The following PUM2 variants were observed in gnomAD, a reference collection of about 807,000 sequenced individuals.
The protein encoded by PUM2 is pumilio homolog 2.
Under a neutral mutation model 124.5 loss-of-function variants are expected in PUM2, and 57 were observed. The observed-to-expected ratio is 0.46, with a 90% CI of 0.37 to 0.57. The LOEUF is 0.57. PUM2 is among the 20% of genes least tolerant of loss of function. The pLI, the probability that PUM2 is intolerant of heterozygous loss-of-function variation, is 0.00. For missense variants in PUM2, 1,065 were observed against 1,290.6 expected (o/e 0.83, Z 2.68); for synonymous variants, 460 against 446.1 (o/e 1.03, Z -0.39).
intron 14 of PUM2, 66 bp downstream of exon 14, chr2:20,263,127 T>C: frequency 6.9e-7 from 1 of 1,457,652 alleles, no homozygotes; most frequent in Non-Finnish European, 9.4e-7. Flanking sequence ...TCCAGAAAAA[T>C]TTAAGCTTTT....
At chr2:20,276,059 ATT>A (rs1204004670) in intron 13 of PUM2, among the ~76,000 whole-genome samples, 1 of 151,976 alleles carries the variant, frequency 6.6e-6, no homozygotes, top group Non-Finnish European at 1.5e-5. Flanking sequence ...GAAGAATAAA[ATT>A]TTTTCATGCA....
At chr2:20,254,290 A>T (rs951020580) in intron 19 of PUM2, among the ~76,000 whole-genome samples, 3 of 151,902 alleles carry the variant, frequency 2.0e-5, no homozygotes, top group African/African-American at 7.3e-5. Context: ...CCTCCCCCAT[A>T]GCTGAGACTA....
chr2:20,311,755 G>T, intron 4 of PUM2, 92 bp from the exon 5 acceptor site: 1 of 1,236,138 alleles, frequency 8.1e-7, no homozygotes, highest in Non-Finnish European at 1.1e-6. Context: ...TACAGTGCAT[G>T]TAAACAATAA....
At chr2:20,320,760 C>T (rs1682128415) in intron 2 of PUM2, among the ~76,000 whole-genome samples, 3 of 152,004 alleles carry the variant, frequency 2.0e-5, no homozygotes, top group East Asian at 3.9e-4. Context: ...AAAAGATTCA[C>T]GTAAATATTC....
chr2:20,300,904 C>T (rs775602371), intron 7 of PUM2, among the ~76,000 whole-genome samples: 9 of 152,088 alleles, frequency 5.9e-5, no homozygotes, highest in Non-Finnish European at 1.2e-4. Context: ...GAGAAAAAAG[C>T]GTATCTGATT....
chr2:20,318,474 T>A, intron 3 of PUM2, 63 bp downstream of exon 3: 11 of 1,385,006 alleles, frequency 7.9e-6, no homozygotes, highest in South Asian at 1.3e-5. Flanking sequence ...AAAAAAAAGG[T>A]GCATTATGAC....
rs1023351799 is a variant in PUM2, at chr2:20,275,595, A to G, written c.1957+2988T>C. On this transcript the variant is annotated intron_variant, in intron 13 of 20. Coordinates refer to ENST00000361078, the MANE Select transcript of PUM2 (RefSeq NM_015317.5). ...GGTGGATCAGGCTGGTCATCTCACA[A>G]TGGAGACAACCAAACACGTGTCTCC... 2.6e-5 allele frequency among the ~76,000 whole-genome samples: 4 copies of G among 152,144 alleles called. 1 individual carries two copies. The highest frequency in any genetic ancestry group is 1.9e-4 in the East Asian group (1 of 5,202).
chr2:20,333,298 G>T (rs1477906913), intron 1 of PUM2, among the ~76,000 whole-genome samples: 1 of 152,034 alleles, frequency 6.6e-6, no homozygotes, highest in Non-Finnish European at 1.5e-5. Context: ...CATTATTGAG[G>T]CTATGGTGGG....
intron 14 of PUM2, among the ~76,000 whole-genome samples, chr2:20,261,468 A>AGTT (rs1666258648): frequency 6.7e-6 from 1 of 148,532 alleles, no homozygotes; most frequent in Middle Eastern, 3.3e-3. Flanking sequence ...TAAACAACTG[A>AGTT]GTTACTGGTT....
chr2:20,252,873 T>TA (rs1169215354), intron 20 of PUM2, among the ~76,000 whole-genome samples: 4 of 152,358 alleles, frequency 2.6e-5, no homozygotes, highest in Non-Finnish European at 5.9e-5. Context: ...AAAATATTTT[T>TA]AAAAATGACA....
At chr2:20,262,357 T>C (rs1214091292) in intron 14 of PUM2, among the ~76,000 whole-genome samples, 2 of 152,244 alleles carry the variant, frequency 1.3e-5, no homozygotes, top group African/African-American at 2.4e-5. Flanking sequence ...TTTTCTATTG[T>C]TTATTATGCG....
At chr2:20,255,085 G>A (rs1332078727) in intron 18 of PUM2, 101 bp from the exon 19 acceptor site, 1 of 1,474,340 alleles carries the variant, frequency 6.8e-7, no homozygotes, top group East Asian at 2.3e-5. Flanking sequence ...CAGTAGGATA[G>A]TTAGGAGAAT....
At chr2:20,309,691 A>T (rs1242807810) in intron 5 of PUM2, among the ~76,000 whole-genome samples, 2 of 152,160 alleles carry the variant, frequency 1.3e-5, no homozygotes, top group Non-Finnish European at 2.9e-5. Context: ...ACTTGAGTAC[A>T]TTAAGTAAAT....
intron 9 of PUM2, among the ~76,000 whole-genome samples, chr2:20,293,910 A>G: frequency 6.6e-6 from 1 of 152,238 alleles, no homozygotes; most frequent in East Asian, 1.9e-4. Context: ...AGATATAAAC[A>G]TCTTTCTTTT....
In PUM2 at chr2:20,330,422, T is replaced by C. The variant is rs149912459; in HGVS notation, c.-18-3044A>G. Among the ~76,000 whole-genome samples, 17 of 152,306 alleles carry C rather than the reference T, an allele frequency of 1.1e-4. No homozygotes were observed. The East Asian group carries it at 3.3e-3, about 29-fold the overall frequency. The stretch of plus-strand genomic sequence containing the variant: ...CCTTTTGATTAGAGAGTTTGAACTT[T>C]CAGTTCCCCCTCCTGCTTCCAGAGA... On this transcript the variant is annotated intron_variant, in intron 1 of 20. Coordinates refer to ENST00000361078, the MANE Select transcript of PUM2 (RefSeq NM_015317.5).
Position 20,283,039 on chromosome 2 carries a change from G to C in PUM2, c.1628C>G (p.Pro543Arg), listed in dbSNP as rs1317604900. 6.2e-7 allele frequency: 1 copy of C among 1,614,024 alleles called. No individual in the cohort carries two copies. The highest frequency in any genetic ancestry group is 2.2e-5 in the East Asian group (1 of 44,874). The change falls in exon 12 of 21, where the codon CCT (proline) becomes CGT (arginine). Residue 543 changes from proline to arginine, a missense_variant. Physicochemically the swap from Pro to Arg is moderately radical, Grantham distance 103. Transcript: ENST00000361078. ...SQSSSLFSHG[P>R]GQPGSTSLGF... is the part of the protein sequence containing the mutation. ...AAGAGATGTACTTCCAGGTTGACCA[G>C]GTCCATGAGAAAATAAAGAACTACT...
chr2:20,344,573 T>C (rs746998162), intron 1 of PUM2, among the ~76,000 whole-genome samples: 3 of 152,168 alleles, frequency 2.0e-5, no homozygotes, highest in Non-Finnish European at 4.4e-5. Context: ...CCCTCCTCCC[T>C]ATAACTGCAC....
At chr2:20,342,765 T>C (rs961454977) in intron 1 of PUM2, among the ~76,000 whole-genome samples, 1 of 152,218 alleles carries the variant, frequency 6.6e-6, no homozygotes, top group Non-Finnish European at 1.5e-5. Flanking sequence ...AATTGCGGTT[T>C]TTAAAGTTCC....
chr2:20,290,763 G>C lies in PUM2; in HGVS notation c.1180C>G (p.Pro394Ala). The change falls in exon 10 of 21, where the codon CCT (proline) becomes GCT (alanine). Residue 394 changes from proline to alanine, a missense_variant. Transcript: ENST00000361078. Reference sequence around the variant, plus strand: ...TGCTGACCCTGATTGGGAGTAAGAGGACGCTGACCTGCTCCAGCACGGAGA... The same window carrying C: ...TGCTGACCCTGATTGGGAGTAAGAGCACGCTGACCTGCTCCAGCACGGAGA... ...QVLRAGAGQR[P>A]LTPNQGQQGQ... 1 of 1,609,664 alleles carries C rather than the reference G, an allele frequency of 6.2e-7. No homozygotes were observed. The highest frequency in any genetic ancestry group is 8.5e-7 in the Non-Finnish European group (1 of 1,178,756).
Sources: gnomAD v4.1 joint callset for allele counts (sites outside exome capture counted in the v4.1 genomes callset) on GRCh38, gnomAD v4.1.1 for gene constraint, MANE v1.5 for transcripts, NCBI Gene and HGNC (gene_info 2026-07-23, HGNC 2026-07-21) for gene names.